RIMS4: variants seen among roughly 807,000 people sequenced by gnomAD.
RIMS4 encodes the protein regulating synaptic membrane exocytosis 4.
A neutral mutation model predicts 29.0 loss-of-function variants in RIMS4; 9 were observed. The ratio of observed to expected loss-of-function variants is 0.31; its 90% CI spans 0.19 to 0.54. The LOEUF (loss-of-function observed/expected upper bound fraction) is 0.54, where lower values mean the gene tolerates loss of function less well. RIMS4 is among the 20% of genes least tolerant of loss of function. The probability of loss-of-function intolerance (pLI) is 0.94; values close to 1 mark genes in which losing one functional copy is unlikely to be tolerated. For synonymous variants in RIMS4, 130 were observed against 152.9 expected (o/e 0.85, Z 1.10); for missense variants, 193 against 365.7 (o/e 0.53, Z 3.85).
rs923600927 is a variant in RIMS4 at position 44,792,537 on chromosome 20, C to A, written c.97+17638G>T. Among the ~76,000 whole-genome samples the A allele has an allele frequency of 7.2e-5, 11 of 152,196 alleles. No individual in the cohort carries two copies. The East Asian group carries it at 1.7e-3, about 24-fold the overall frequency. ...GAACTCTTGACCTTAGGAGATCCAC[C>A]CACCTCAGCCTCCCAAAGTGCTGGG... On this transcript the variant is annotated intron_variant, in intron 1 of 5. Transcript: ENST00000372851.
At chr20:44,806,641 T>C (rs1465411656) in intron 1 of RIMS4, among the ~76,000 whole-genome samples, 4 of 152,182 alleles carry the variant, frequency 2.6e-5, no homozygotes, top group East Asian at 3.8e-4. Context: ...TCTTTCTCAG[T>C]AATAAGATAG....
chr20:44,757,827 A>G (rs1170775162), intron 3 of RIMS4, 56 bp from the exon 4 acceptor site: 6 of 1,470,698 alleles, frequency 4.1e-6, no homozygotes, highest in Non-Finnish European at 5.7e-6. Flanking sequence ...TCAAGCTTGG[A>G]CTCAGCTCTT....
intron 1 of RIMS4, 85 bp from the exon 2 acceptor site, chr20:44,771,498 T>A: frequency 1.4e-6 from 2 of 1,461,252 alleles, no homozygotes; most frequent in East Asian, 4.6e-5. Context: ...GTTAGCAGTG[T>A]TTCAGCAGCT....
chr20:44,762,737 T>C (rs1283316197), intron 2 of RIMS4, among the ~76,000 whole-genome samples: 3 of 152,088 alleles, frequency 2.0e-5, no homozygotes, highest in Non-Finnish European at 4.4e-5. Context: ...TCCTGGGGGC[T>C]GGAGGAAGGA....
intron 2 of RIMS4, among the ~76,000 whole-genome samples, chr20:44,769,762 A>G (rs1306276447): frequency 6.6e-6 from 1 of 152,040 alleles, no homozygotes; most frequent in East Asian, 1.9e-4. Flanking sequence ...CCAGTTTAGG[A>G]GGGGCTGGGG....
intron 1 of RIMS4, among the ~76,000 whole-genome samples, chr20:44,809,863 G>T (rs1422511592): frequency 6.6e-6 from 1 of 152,082 alleles, no homozygotes; most frequent in Non-Finnish European, 1.5e-5. Flanking sequence ...CTCAGGGAGG[G>T]TGGCAGGTCG....
At chr20:44,807,013 G>A (rs1261547988) in intron 1 of RIMS4, among the ~76,000 whole-genome samples, 2 of 151,786 alleles carry the variant, frequency 1.3e-5, no homozygotes, top group East Asian at 1.9e-4. Flanking sequence ...TTACAGATAC[G>A]AAACCGAGGC....
At chr20:44,780,438 C>T (rs1293542072) in intron 1 of RIMS4, among the ~76,000 whole-genome samples, 2 of 152,208 alleles carry the variant, frequency 1.3e-5, no homozygotes, top group East Asian at 3.8e-4. Flanking sequence ...CGAAGCATCC[C>T]TATCTGTGGT....
chr20:44,761,571 G>C (rs565050945), intron 2 of RIMS4, among the ~76,000 whole-genome samples: 2 of 152,316 alleles, frequency 1.3e-5, no homozygotes, highest in East Asian at 3.9e-4. Context: ...AGCCTCCCAA[G>C]GCTCCCCAGT....
intron 2 of RIMS4, among the ~76,000 whole-genome samples, chr20:44,770,958 A>G (rs920003234): frequency 1.3e-5 from 2 of 152,164 alleles, no homozygotes; most frequent in African/African-American, 2.4e-5. Flanking sequence ...TCTAATCCTC[A>G]TAACACCCCT....
rs1009511818 is a variant in RIMS4 at position 44,752,826 on chromosome 20, T to C, written c.*3308A>G. On this transcript the variant is annotated 3_prime_UTR_variant, in exon 6 of 6. Coordinates refer to ENST00000372851, the MANE Select transcript of RIMS4 (RefSeq NM_182970.4). ...CCTCCAGTTGGTCCTGAAGAGGCTA[T>C]GGCCCCTTACAAGGGCCCTCCACCC... 3.3e-5 allele frequency: 5 copies of C among 152,454 alleles called. No homozygotes were observed. The highest frequency in any genetic ancestry group is 7.3e-5 in the Non-Finnish European group (5 of 68,210). The allele number at this position is 152,454 out of a possible 1,614,324, so 9.4% of individuals were successfully genotyped here. A position where few individuals can be genotyped will look rare whatever the true frequency, so the allele number is the denominator to read the frequency against.
chr20:44,797,048 T>TAAAC (rs1450306843), intron 1 of RIMS4, among the ~76,000 whole-genome samples: 1 of 152,188 alleles, frequency 6.6e-6, no homozygotes, highest in Non-Finnish European at 1.5e-5. Context: ...AGGCTGGAAA[T>TAAAC]AAACAGGCAA....
At chr20:44,789,287 G>T (rs1003535179) in intron 1 of RIMS4, among the ~76,000 whole-genome samples, 1 of 152,120 alleles carries the variant, frequency 6.6e-6, no homozygotes, top group African/African-American at 2.4e-5. Context: ...CACAGTATGA[G>T]AATTTCTTTT....
intron 1 of RIMS4, among the ~76,000 whole-genome samples, chr20:44,779,731 G>A (rs79564737): frequency 0.26 from 38,952 of 152,108 alleles, 5,625 homozygotes; most frequent in East Asian, 0.45. Context: ...GTCTTTTGGT[G>A]ACCATTTCTG....
In RIMS4 at chr20:44,756,132, C is replaced by A. The variant is rs140436873; in HGVS notation, c.*2G>T. The A allele has an allele frequency of 1.1e-5, 17 of 1,594,090 alleles. No homozygotes were observed. Among genetic ancestry groups the A allele is most frequent in the Non-Finnish European group, 1.5e-5 (17 of 1,168,232 alleles). On this transcript the variant is annotated 3_prime_UTR_variant, in exon 6 of 6. Coordinates refer to ENST00000372851, the MANE Select transcript of RIMS4 (RefSeq NM_182970.4). The surrounding 1 kb of genome is among the most constrained non-coding windows in gnomAD (Gnocchi z 5.9). ...CTTGGGGAGCCCCTCCCCATTCCAG[C>A]ACTAAGATCGTTCTCCGCAGGGCCC...
chr20:44,774,767 C>T (rs2066152368), intron 1 of RIMS4, among the ~76,000 whole-genome samples: 1 of 152,150 alleles, frequency 6.6e-6, no homozygotes, highest in Non-Finnish European at 1.5e-5. Context: ...AAGGAAGGGG[C>T]CGTCCTTCTC....
chr20:44,756,458 T>A lies in RIMS4; in HGVS notation c.592-106A>T. 2.3e-6 allele frequency: 2 copies of A among 871,472 alleles called. No individual in the cohort carries two copies. Among genetic ancestry groups the A allele is most frequent in the East Asian group, 5.3e-5 (2 of 37,440 alleles). 54.0% of individuals were successfully genotyped at this position (871,472 alleles called of 1,614,324 possible). On this transcript the variant is annotated intron_variant, in intron 5 of 5. Coordinates refer to ENST00000372851, the MANE Select transcript of RIMS4 (RefSeq NM_182970.4). The surrounding 1 kb of genome is among the most constrained non-coding windows in gnomAD (Gnocchi z 5.9). ...CCCAATCCAGCTCAGTCCTGTGATT[T>A]CTACCTCCTTAAAACTGCAATTCCT...
chr20:44,809,514 G>A (rs1210848860), intron 1 of RIMS4, among the ~76,000 whole-genome samples: 2 of 151,980 alleles, frequency 1.3e-5, no homozygotes, highest in Admixed American at 6.6e-5. Context: ...ACACACCAGC[G>A]GGCGGACAAG....
At chr20:44,770,553 C>T (rs1349487772) in intron 2 of RIMS4, among the ~76,000 whole-genome samples, 3 of 152,064 alleles carry the variant, frequency 2.0e-5, no homozygotes, top group Non-Finnish European at 2.9e-5. Flanking sequence ...AGGTGAGTTG[C>T]TCTAGGGTAA....
Sources: gnomAD v4.1 joint callset for allele counts (sites outside exome capture counted in the v4.1 genomes callset) on GRCh38, gnomAD v4.1.1 for gene constraint, Gnocchi (gnomAD v3.1) non-coding constraint, MANE v1.5 for transcripts, NCBI Gene and HGNC (gene_info 2026-07-23, HGNC 2026-07-21) for gene names.